RBFOX1: variants seen among roughly 807,000 people sequenced by gnomAD.
RBFOX1 encodes the protein RNA binding protein fox-1 homolog 1.
A neutral mutation model predicts 57.7 loss-of-function variants in RBFOX1; 8 were observed. The observed-to-expected ratio is 0.14, with a 90% CI of 0.08 to 0.25. The LOEUF (loss-of-function observed/expected upper bound fraction) is 0.25, where lower values mean the gene tolerates loss of function less well. Among genes scored for constraint, RBFOX1 ranks in the 10% least tolerant of loss-of-function variants. The pLI is 1.00. For missense variants in RBFOX1, 611 were observed against 548.5 expected (o/e 1.11, Z -1.14); for synonymous variants, 326 against 222.4 (o/e 1.47, Z -4.15).
At chr16:7,612,895 G>T (rs1223538809) in intron 10 of RBFOX1, among the ~76,000 whole-genome samples, 2 of 152,116 alleles carry the variant, frequency 1.3e-5, no homozygotes. Flanking sequence ...GGGACTATAA[G>T]GCAGCAAAGC....
chr16:6,760,478 T>C (rs1341263941), intron 3 of RBFOX1, among the ~76,000 whole-genome samples: 1 of 152,152 alleles, frequency 6.6e-6, no homozygotes, highest in Non-Finnish European at 1.5e-5. Flanking sequence ...TAAGATAAAA[T>C]ACCAAGGATA....
intron 10 of RBFOX1, among the ~76,000 whole-genome samples, chr16:7,608,198 G>A (rs1186603403): frequency 1.3e-5 from 2 of 152,156 alleles, no homozygotes; most frequent in Non-Finnish European, 2.9e-5. Flanking sequence ...CACTCCCTTA[G>A]TAACCTCTTG....
At chr16:5,446,913 G>A (rs983945961) in intron 1 of RBFOX1, among the ~76,000 whole-genome samples, 1 of 152,038 alleles carries the variant, frequency 6.6e-6, no homozygotes, top group East Asian at 1.9e-4. Flanking sequence ...TCTCCCTGAG[G>A]CTCCGTTTCC....
intron 2 of RBFOX1, among the ~76,000 whole-genome samples, chr16:5,503,513 G>C (rs1044058523): frequency 2.6e-5 from 4 of 152,182 alleles, no homozygotes; most frequent in Non-Finnish European, 5.9e-5. Context: ...GCGCAATCAC[G>C]GCTCACTGTA....
chr16:5,980,990 C>G (rs576236306), intron 4 of RBFOX1, among the ~76,000 whole-genome samples: 73 of 152,224 alleles, frequency 4.8e-4, no homozygotes, highest in African/African-American at 1.6e-3. Flanking sequence ...ATCTGCAGAC[C>G]CACAGCCTGC....
intron 3 of RBFOX1, among the ~76,000 whole-genome samples, chr16:6,862,999 A>C (rs1262786303): frequency 6.7e-6 from 1 of 149,050 alleles, no homozygotes; most frequent in East Asian, 2.0e-4. Flanking sequence ...AAAAAAAAGG[A>C]AGACAGGCCG....
chr16:5,702,523 A>T (rs2051090262), intron 3 of RBFOX1, among the ~76,000 whole-genome samples: 1 of 152,252 alleles, frequency 6.6e-6, no homozygotes, highest in Non-Finnish European at 1.5e-5. Flanking sequence ...TGCTGTGCAG[A>T]TGTCTGAGCA....
intron 4 of RBFOX1, among the ~76,000 whole-genome samples, chr16:7,287,737 C>G (rs1370225738): frequency 6.6e-6 from 1 of 152,026 alleles, no homozygotes; most frequent in Admixed American, 6.6e-5. Context: ...CTATGTAGAT[C>G]TATATGTTTA....
At chr16:6,591,069 T>C (rs1023454669) in intron 2 of RBFOX1, among the ~76,000 whole-genome samples, 2 of 152,152 alleles carry the variant, frequency 1.3e-5, no homozygotes, top group Non-Finnish European at 1.5e-5. Context: ...GGATAGCTTA[T>C]GTGTATTAAG....
chr16:6,303,272 C>A (rs552021925), intron 1 of RBFOX1, among the ~76,000 whole-genome samples: 1 of 152,114 alleles, frequency 6.6e-6, no homozygotes, highest in African/African-American at 2.4e-5. Context: ...TCTGAGACAT[C>A]TTCCCGGGTC....
intron 2 of RBFOX1, among the ~76,000 whole-genome samples, chr16:5,552,377 A>T (rs1265691095): frequency 6.6e-6 from 1 of 152,210 alleles, no homozygotes; most frequent in Non-Finnish European, 1.5e-5. Flanking sequence ...CTCTTCAATG[A>T]CAGGCATTGG....
At chr16:7,177,856 A>G (rs1463082367) in intron 4 of RBFOX1, among the ~76,000 whole-genome samples, 1 of 152,230 alleles carries the variant, frequency 6.6e-6, no homozygotes, top group Non-Finnish European at 1.5e-5. Context: ...AACTTTAGTT[A>G]CAAAAGCAGA....
rs536185938 is a variant in RBFOX1, at chr16:6,899,113, G to A, written c.-15-152944G>A. ...ATAATGTGTGTACATCTGTGTATAC[G>A]TGTTTATGCATATGTGTATATGTGT... On this transcript the variant is annotated intron_variant, in intron 3 of 15. Coordinates refer to ENST00000550418, the MANE Select transcript of RBFOX1 (RefSeq NM_018723.4). Among the ~76,000 whole-genome samples, 234 of 151,230 alleles carry A rather than the reference G, an allele frequency of 1.5e-3. 3 individuals carry two copies. Among genetic ancestry groups the A allele is most frequent in the African/African-American group, 5.4e-3 (219 of 40,930 alleles).
chr16:6,506,084 A>G (rs1470582048), intron 2 of RBFOX1, among the ~76,000 whole-genome samples: 1 of 152,212 alleles, frequency 6.6e-6, no homozygotes, highest in African/African-American at 2.4e-5. Flanking sequence ...GCACCCTTGC[A>G]TATATCCAGA....
At chr16:7,423,214 C>G (rs1055716660) in intron 4 of RBFOX1, among the ~76,000 whole-genome samples, 8 of 151,962 alleles carry the variant, frequency 5.3e-5, no homozygotes, top group African/African-American at 1.9e-4. Flanking sequence ...ACCCAAAAAG[C>G]AAGACCAGTT....
At chr16:5,415,265 C>T (rs1049587392) in intron 1 of RBFOX1, among the ~76,000 whole-genome samples, 6 of 152,286 alleles carry the variant, frequency 3.9e-5, no homozygotes, top group African/African-American at 1.4e-4. Context: ...GCACCTTCTT[C>T]ACAAGGTGGC....
At chr16:7,165,319 G>A (rs559178639) in intron 4 of RBFOX1, among the ~76,000 whole-genome samples, 2 of 150,998 alleles carry the variant, frequency 1.3e-5, no homozygotes, top group East Asian at 3.9e-4. Flanking sequence ...ACCCTGGAAT[G>A]GGCTGTGCCC....
intron 3 of RBFOX1, among the ~76,000 whole-genome samples, chr16:6,869,955 A>G (rs2060585609): frequency 6.6e-6 from 1 of 152,138 alleles, no homozygotes; most frequent in Non-Finnish European, 1.5e-5. Flanking sequence ...CTGCTTACTA[A>G]TCTTAGGACC....
intron 2 of RBFOX1, among the ~76,000 whole-genome samples, chr16:6,411,216 A>G (rs1318621034): frequency 6.6e-6 from 1 of 152,158 alleles, no homozygotes; most frequent in Non-Finnish European, 1.5e-5. Context: ...CCCCTGGGGC[A>G]AGCAGTTCTC....
Sources: gnomAD v4.1 joint callset for allele counts (sites outside exome capture counted in the v4.1 genomes callset) on GRCh38, gnomAD v4.1.1 for gene constraint, MANE v1.5 for transcripts, NCBI Gene and HGNC (gene_info 2026-07-23, HGNC 2026-07-21) for gene names.